Variants in IGF2BP2 observed in about 807,000 individuals in gnomAD.
IGF2BP2 encodes insulin-like growth factor 2 mRNA-binding protein 2.
In IGF2BP2, 17 loss-of-function variants were observed where a neutral mutation model predicts 75.8. The observed-to-expected ratio is 0.22, with a 90% CI of 0.15 to 0.34. The LOEUF (loss-of-function observed/expected upper bound fraction) is 0.34, where lower values mean the gene tolerates loss of function less well. Among genes scored for constraint, IGF2BP2 ranks in the 10% least tolerant of loss-of-function variants. The pLI is 1.00. For synonymous variants in IGF2BP2, 288 were observed against 295.6 expected (o/e 0.97, Z 0.26); for missense variants, 516 against 772.4 (o/e 0.67, Z 3.93).
At chr3:185,654,541 C>T (rs1243469791) in intron 12 of IGF2BP2, among the ~76,000 whole-genome samples, 1 of 152,238 alleles carries the variant, frequency 6.6e-6, no homozygotes, top group Non-Finnish European at 1.5e-5. Flanking sequence ...CTTGTGGCTG[C>T]TTTGCTCAGA....
chr3:185,739,453 A>G (rs1446350989), intron 2 of IGF2BP2, among the ~76,000 whole-genome samples: 2 of 152,108 alleles, frequency 1.3e-5, no homozygotes, highest in East Asian at 3.8e-4. Flanking sequence ...GTCTTCCTAA[A>G]CCCTTCTGTT....
At chr3:185,650,106 T>TA (rs938375416) in intron 13 of IGF2BP2, among the ~76,000 whole-genome samples, 5 of 149,878 alleles carry the variant, frequency 3.3e-5, no homozygotes, top group East Asian at 1.9e-4. Context: ...TTTTTTTTTT[T>TA]AGAGATGAGG....
At chr3:185,811,257 A>G (rs1264378708) in intron 2 of IGF2BP2, among the ~76,000 whole-genome samples, 2 of 152,196 alleles carry the variant, frequency 1.3e-5, no homozygotes, top group Admixed American at 1.3e-4. Context: ...GAGTTTCCAA[A>G]CAGCTATCAT....
intron 2 of IGF2BP2, among the ~76,000 whole-genome samples, chr3:185,738,332 G>A (rs1729112224): frequency 1.3e-5 from 2 of 152,180 alleles, no homozygotes; most frequent in Admixed American, 1.3e-4. Flanking sequence ...ATAATCTAGT[G>A]TAAAAGATAA....
chr3:185,787,144 C>T (rs941958126), intron 2 of IGF2BP2, among the ~76,000 whole-genome samples: 2 of 152,050 alleles, frequency 1.3e-5, no homozygotes, highest in Admixed American at 6.5e-5. Context: ...GGGGCAATGG[C>T]GAGTTACTGT....
chr3:185,736,669 G>A (rs1728890790), intron 2 of IGF2BP2, among the ~76,000 whole-genome samples: 1 of 152,214 alleles, frequency 6.6e-6, no homozygotes, highest in East Asian at 1.9e-4. Flanking sequence ...TCCCAGCAGG[G>A]GACACCATGC....
chr3:185,706,542 T>C (rs933616793), intron 2 of IGF2BP2, among the ~76,000 whole-genome samples: 2 of 152,198 alleles, frequency 1.3e-5, no homozygotes, highest in African/African-American at 2.4e-5. Context: ...ATTCCTCTAT[T>C]GGGTTAGAGT....
chr3:185,735,204 G>A (rs1185542615), intron 2 of IGF2BP2, among the ~76,000 whole-genome samples: 4 of 150,550 alleles, frequency 2.7e-5, no homozygotes, highest in Admixed American at 6.6e-5. Flanking sequence ...GGAGTGCAGC[G>A]GCATGAACTC....
chr3:185,651,939 G>C (rs540436246), intron 13 of IGF2BP2, among the ~76,000 whole-genome samples, 155 bp downstream of exon 13: 1 of 152,096 alleles, frequency 6.6e-6, no homozygotes, highest in South Asian at 2.1e-4. Context: ...ACATGCAGAA[G>C]AACAGCCAGG....
intron 2 of IGF2BP2, among the ~76,000 whole-genome samples, chr3:185,791,986 G>A (rs370061659): frequency 6.6e-6 from 1 of 152,210 alleles, no homozygotes; most frequent in African/African-American, 2.4e-5. Context: ...GATGGGAGGT[G>A]TAATATTCCC....
chr3:185,798,873 C>G (rs1002045611), intron 2 of IGF2BP2, among the ~76,000 whole-genome samples: 1 of 150,318 alleles, frequency 6.7e-6, no homozygotes, highest in Admixed American at 6.6e-5. Flanking sequence ...GGCTCCCAGG[C>G]TCAAGCAACC....
intron 2 of IGF2BP2, among the ~76,000 whole-genome samples, chr3:185,778,653 C>T (rs1274659933): frequency 6.6e-6 from 1 of 152,302 alleles, no homozygotes. Context: ...AATCTGGACA[C>T]CTGGTTCTAC....
chr3:185,814,373 A>G (rs551028647), intron 2 of IGF2BP2, among the ~76,000 whole-genome samples: 1 of 152,350 alleles, frequency 6.6e-6, no homozygotes, highest in East Asian at 1.9e-4. Flanking sequence ...CGAAGTATGC[A>G]TTGTTAAAAA....
chr3:185,721,654 C>A (rs1253329548), intron 2 of IGF2BP2, among the ~76,000 whole-genome samples: 2 of 152,168 alleles, frequency 1.3e-5, no homozygotes. Flanking sequence ...TTCCTCCAGA[C>A]TAATAAAACA....
chr3:185,665,738 GGGC>G (rs2149167161), intron 10 of IGF2BP2, among the ~76,000 whole-genome samples: 1 of 152,184 alleles, frequency 6.6e-6, no homozygotes, highest in East Asian at 1.9e-4. Flanking sequence ...AGGCCAAGGC[GGGC>G]AGATTACTTG....
rs190883724 is a variant in IGF2BP2 at position 185,649,575 on chromosome 3, G to A, written c.1462-41C>T. On this transcript the variant is annotated intron_variant, in intron 13 of 15. Transcript: ENST00000382199. Reference sequence around the variant, plus strand: ...ATGACTAATGACTCTCAGTCAGCCAGCAGCCGGCCACTTCATCAGTGCTGC... The same window carrying A: ...ATGACTAATGACTCTCAGTCAGCCAACAGCCGGCCACTTCATCAGTGCTGC... 4,370 of 1,610,634 alleles carry A rather than the reference G, an allele frequency of 2.7e-3. 10 individuals carry two copies. Among genetic ancestry groups the A allele is most frequent in the Non-Finnish European group, 3.3e-3 (3,926 of 1,178,252 alleles).
intron 2 of IGF2BP2, among the ~76,000 whole-genome samples, chr3:185,718,683 T>TAAA (rs1560351743): frequency 3.0e-3 from 67 of 22,126 alleles, no homozygotes; most frequent in African/African-American, 0.012. Context: ...AGACTCTGTC[T>TAAA]CAAAAAAAAA....
At chr3:185,696,426 T>C (rs1198169525) in intron 4 of IGF2BP2, 186 bp downstream of exon 4, 9 of 591,200 alleles carry the variant, frequency 1.5e-5, no homozygotes, top group South Asian at 2.3e-5. Context: ...TAGACATACA[T>C]AGAAAGAGAC....
intron 2 of IGF2BP2, among the ~76,000 whole-genome samples, chr3:185,757,081 G>A (rs1356802039): frequency 6.6e-6 from 1 of 152,128 alleles, no homozygotes; most frequent in African/African-American, 2.4e-5. Flanking sequence ...AGCAAAAGTG[G>A]TCTTTTCTAC....
Sources: gnomAD v4.1 joint callset for allele counts (sites outside exome capture counted in the v4.1 genomes callset) on GRCh38, gnomAD v4.1.1 for gene constraint, MANE v1.5 for transcripts, NCBI Gene and HGNC (gene_info 2026-07-23, HGNC 2026-07-21) for gene names.